SERPINE2: variants seen among roughly 807,000 people sequenced by gnomAD.
The protein encoded by SERPINE2 is glia-derived nexin.
Under a neutral mutation model 36.3 loss-of-function variants are expected in SERPINE2, and 14 were observed. That is an observed-to-expected ratio of 0.39 (90% CI 0.25 to 0.60). The LOEUF (loss-of-function observed/expected upper bound fraction) is 0.60. Ranked by LOEUF, SERPINE2 falls within the 20% of genes least tolerant of loss-of-function variation. The pLI is 0.57. For missense variants in SERPINE2, 418 were observed against 499.6 expected (o/e 0.84, Z 1.56); for synonymous variants, 192 against 191.8 (o/e 1.00, Z -0.01).
chr2:223,983,089 C>G (rs7605945), intron 5 of SERPINE2, among the ~76,000 whole-genome samples: 1 of 152,022 alleles, frequency 6.6e-6, no homozygotes, highest in Non-Finnish European at 1.5e-5. Context: ...TTTATACTGA[C>G]GTGGAGGTTG....
intron 1 of SERPINE2, among the ~76,000 whole-genome samples, chr2:224,037,368 C>T (rs1025750718): frequency 1.1e-4 from 16 of 152,238 alleles, no homozygotes; most frequent in African/African-American, 3.9e-4. Context: ...GTTTGCAACC[C>T]GGAAGGAAGG....
At chr2:223,997,931 G>C (rs1366405967) in intron 3 of SERPINE2, among the ~76,000 whole-genome samples, 184 bp downstream of exon 3, 2 of 152,196 alleles carry the variant, frequency 1.3e-5, no homozygotes, top group African/African-American at 2.4e-5. Context: ...CACCTCCCAG[G>C]AGCACAGTGA....
intron 7 of SERPINE2, 38 bp downstream of exon 7, chr2:223,980,273 C>T: frequency 6.5e-7 from 1 of 1,527,924 alleles, no homozygotes; most frequent in South Asian, 1.1e-5. Context: ...GTTTGCTCCC[C>T]TGCTAGAGGA....
intron 8 of SERPINE2, among the ~76,000 whole-genome samples, chr2:223,976,453 G>C (rs1690012619): frequency 6.6e-6 from 1 of 152,064 alleles, no homozygotes; most frequent in South Asian, 2.1e-4. Flanking sequence ...CACCCAACCA[G>C]AAATTGAATT....
intron 3 of SERPINE2, among the ~76,000 whole-genome samples, chr2:223,995,955 G>A (rs573585159): frequency 6.6e-6 from 1 of 152,182 alleles, no homozygotes; most frequent in African/African-American, 2.4e-5. Flanking sequence ...TTGTATTACA[G>A]TTTGGCACTG....
Position 224,001,883 on chromosome 2 carries a change from G to A in SERPINE2, c.18C>T (p.Pro6=). 2 of 1,613,420 alleles carry A rather than the reference G, an allele frequency of 1.2e-6. No individual in the cohort carries two copies. Among genetic ancestry groups the A allele is most frequent in the East Asian group, 2.2e-5 (1 of 44,868 alleles). Residue 6 remains proline (P), a synonymous_variant, in exon 2 of 9, where the codon CCC becomes CCT. Transcript: ENST00000409304. ...GCGTCACAGAGGCCAAGAGGAAGAG[G>A]GGGAGATGCCAGTTCATGGTTCCTT... MNWHL[P]LFLLASVTLP... is the part of the protein sequence containing the mutation.
intron 1 of SERPINE2, among the ~76,000 whole-genome samples, chr2:224,029,079 C>T (rs998713886): frequency 6.6e-6 from 1 of 152,216 alleles, no homozygotes; most frequent in African/African-American, 2.4e-5. Flanking sequence ...CCTTGCTGCA[C>T]AAGAACAGAT....
In SERPINE2 at chr2:223,989,513, C is replaced by T. The variant is rs534257428; in HGVS notation, c.685+2290G>A. ...GTCTGTGGAAATGGAAACAATCAGC[C>T]ACTTGGGGACACCACAAATGGCGGT... On this transcript the variant is annotated intron_variant, in intron 4 of 8. Transcript: ENST00000409304. Among the ~76,000 whole-genome samples, 50 of 152,320 alleles carry T rather than the reference C, an allele frequency of 3.3e-4. No individual in the cohort carries two copies. In the South Asian group the frequency reaches 0.01, roughly 31 times the overall value.
intron 1 of SERPINE2, 55 bp from the exon 2 acceptor site, chr2:224,001,977 C>CTTTT: frequency 8.3e-7 from 1 of 1,198,960 alleles, no homozygotes; most frequent in African/African-American, 1.6e-5. Flanking sequence ...TACTTTACTA[C>CTTTT]TTTTTTTTTT....
At chr2:224,030,856 ATCTC>A (rs1692339689) in intron 1 of SERPINE2, 1 of 577,952 alleles carries the variant, frequency 1.7e-6, no homozygotes, top group Non-Finnish European at 2.2e-6. Context: ...TCTTGTGTAA[ATCTC>A]TCTACCTTCT....
intron 1 of SERPINE2, among the ~76,000 whole-genome samples, chr2:224,007,475 A>G (rs968664887): frequency 5.3e-5 from 8 of 152,236 alleles, no homozygotes; most frequent in African/African-American, 1.9e-4. Flanking sequence ...GTTTATTTCT[A>G]CTCAAATCAA....
chr2:224,024,122 T>C (rs2106194634), intron 1 of SERPINE2, among the ~76,000 whole-genome samples: 1 of 152,330 alleles, frequency 6.6e-6, no homozygotes, highest in Middle Eastern at 3.4e-3. Context: ...GAAATACTTC[T>C]AAAGTAGGAA....
At chr2:224,019,771 A>ATTT (rs1182167581) in intron 1 of SERPINE2, among the ~76,000 whole-genome samples, 3 of 14,238 alleles carry the variant, frequency 2.1e-4, no homozygotes, top group Admixed American at 1.1e-3. Flanking sequence ...TTTTTAAAAA[A>ATTT]AAAAAAAGAA....
At chr2:223,985,899 A>C (rs546015756) in intron 4 of SERPINE2, among the ~76,000 whole-genome samples, 139 of 152,358 alleles carry the variant, frequency 9.1e-4, no homozygotes, top group African/African-American at 3.2e-3. Flanking sequence ...GCATTTCTCA[A>C]ATGTTATTTG....
At chr2:224,007,209 A>C (rs1691456848) in intron 1 of SERPINE2, among the ~76,000 whole-genome samples, 1 of 152,238 alleles carries the variant, frequency 6.6e-6, no homozygotes, top group Non-Finnish European at 1.5e-5. Flanking sequence ...GGGAAAAACC[A>C]CTGGAAAGAC....
At chr2:223,985,024 GGGATA>G in intron 4 of SERPINE2, 74 bp from the exon 5 acceptor site, 1 of 1,357,692 alleles carries the variant, frequency 7.4e-7, no homozygotes, top group Non-Finnish European at 1.0e-6. Context: ...GCTGGTCACC[GGGATA>G]GCTTCAGAGA....
At position 223,977,725 on chromosome 2, in the gene SERPINE2, G is replaced by A. The variant is rs1432193604; in HGVS notation, c.1073-98C>T. 3.8e-6 allele frequency: 3 copies of A among 791,746 alleles called. No homozygotes were observed. The Admixed American group carries it at 5.4e-5, about 14-fold the overall frequency. The allele number at this position is 791,746 out of a possible 1,614,324, so 49.0% of individuals were successfully genotyped here. A position where few individuals can be genotyped will look rare whatever the true frequency, so the allele number is the denominator to read the frequency against. The stretch of plus-strand genomic sequence containing the variant: ...TAGCTTCATGGACCCTCAGAGGCTG[G>A]TGTCTGAAGACACACTTCATGCTTG... On this transcript the variant is annotated intron_variant, in intron 7 of 8. Coordinates refer to ENST00000409304, the MANE Select transcript of SERPINE2 (RefSeq NM_001136528.2).
At chr2:224,021,586 T>C (rs936777300) in intron 1 of SERPINE2, among the ~76,000 whole-genome samples, 2 of 152,216 alleles carry the variant, frequency 1.3e-5, no homozygotes, top group Middle Eastern at 3.2e-3. Flanking sequence ...ACACTATCAG[T>C]TGATGTGTTT....
intron 4 of SERPINE2, among the ~76,000 whole-genome samples, chr2:223,991,145 A>G (rs1357070218): frequency 1.3e-5 from 2 of 152,182 alleles, no homozygotes; most frequent in Non-Finnish European, 2.9e-5. Flanking sequence ...TCTGAAATCA[A>G]TCATATATTG....
Sources: allele counts gnomAD v4.1 joint callset (sites outside exome capture counted in the v4.1 genomes callset), GRCh38; gene constraint gnomAD v4.1.1; transcripts MANE v1.5; gene names NCBI Gene and HGNC (gene_info 2026-07-23, HGNC 2026-07-21).